The following ZBTB7C variants were observed in gnomAD, a reference collection of about 807,000 sequenced individuals.
ZBTB7C encodes the protein zinc finger and BTB domain-containing protein 7C.
A neutral mutation model predicts 25.7 loss-of-function variants in ZBTB7C; 8 were observed. The observed-to-expected ratio is 0.31, with a 90% CI of 0.18 to 0.56. The LOEUF is 0.56. Ranked by LOEUF, ZBTB7C falls within the 20% of genes least tolerant of loss-of-function variation. ZBTB7C has a pLI of 0.91. For missense variants in ZBTB7C, 824 were observed against 855.2 expected (o/e 0.96, Z 0.46); for synonymous variants, 394 against 369.0 (o/e 1.07, Z -0.78).
chr18:48,268,790 T>A, intron 2 of ZBTB7C, among the ~76,000 whole-genome samples: 1 of 152,156 alleles, frequency 6.6e-6, no homozygotes, highest in East Asian at 1.9e-4. Flanking sequence ...TATCTATGCA[T>A]CTATATACAT....
chr18:48,051,711 G>T (rs1202398273), intron 3 of ZBTB7C, among the ~76,000 whole-genome samples: 1 of 152,172 alleles, frequency 6.6e-6, no homozygotes, highest in African/African-American at 2.4e-5. Context: ...CTACGGGGCT[G>T]CCTGGCCTCA....
chr18:48,068,588 T>C (rs2037424699), intron 3 of ZBTB7C, among the ~76,000 whole-genome samples: 1 of 152,070 alleles, frequency 6.6e-6, no homozygotes, highest in Non-Finnish European at 1.5e-5. Flanking sequence ...TGGGCATCAG[T>C]GTTTTAAAAC....
At chr18:48,341,559 C>G (rs112639681) in intron 1 of ZBTB7C, among the ~76,000 whole-genome samples, 15 of 152,374 alleles carry the variant, frequency 9.8e-5, no homozygotes, top group African/African-American at 3.1e-4. Flanking sequence ...GGTGACAGCA[C>G]AGGGCCTGCC....
chr18:48,029,641 G>A lies in ZBTB7C; in HGVS notation c.1479C>T (p.Phe493=), dbSNP rs778827702. Reference sequence around the variant, plus strand: ...TGTCGGGGGCCGGGCCGCCGGGCCCGAAGAGCAGGCTGGCGGCCCTCCACG... The same window carrying A: ...TGTCGGGGGCCGGGCCGCCGGGCCCAAAGAGCAGGCTGGCGGCCCTCCACG... The part of the protein sequence containing the change: ...PAAWRAASLL[F]GPGGPAPDKA... The change falls in exon 5 of 5, where the codon TTC becomes TTT. Residue 493 remains phenylalanine, a synonymous_variant. Coordinates refer to ENST00000590800, the MANE Select transcript of ZBTB7C (RefSeq NM_001318841.2). 6.5e-7 allele frequency: 1 copy of A among 1,531,478 alleles called. No individual in the cohort carries two copies. The highest frequency in any genetic ancestry group is 1.2e-5 in the South Asian group (1 of 83,044). 94.9% of individuals were successfully genotyped at this position (1,531,478 alleles called of 1,614,324 possible).
intron 2 of ZBTB7C, among the ~76,000 whole-genome samples, chr18:48,213,205 A>G (rs1414863874): frequency 6.6e-6 from 1 of 152,236 alleles, no homozygotes; most frequent in African/African-American, 2.4e-5. Flanking sequence ...TTTTTGCCCT[A>G]GACACAATCC....
At chr18:48,112,423 C>A (rs1301831120) in intron 3 of ZBTB7C, among the ~76,000 whole-genome samples, 1 of 151,622 alleles carries the variant, frequency 6.6e-6, no homozygotes, top group African/African-American at 2.4e-5. Context: ...CTCAGCTCAC[C>A]ACAACCCCTG....
chr18:48,157,983 G>C (rs2040888399), intron 3 of ZBTB7C, among the ~76,000 whole-genome samples: 1 of 152,118 alleles, frequency 6.6e-6, no homozygotes, highest in Admixed American at 6.5e-5. Flanking sequence ...GGGAGGTGGG[G>C]AGCAGGTACT....
chr18:48,049,905 C>A (rs1233754161), intron 3 of ZBTB7C, among the ~76,000 whole-genome samples: 6 of 152,194 alleles, frequency 3.9e-5, no homozygotes, highest in Non-Finnish European at 7.3e-5. Flanking sequence ...GGCAAGCTGG[C>A]CCCAGCCAGC....
intron 1 of ZBTB7C, among the ~76,000 whole-genome samples, chr18:48,381,839 G>C (rs2047640345): frequency 6.6e-6 from 1 of 152,192 alleles, no homozygotes; most frequent in Non-Finnish European, 1.5e-5. Flanking sequence ...TCTTGGCAGA[G>C]GGAAAAGAGT....
intron 3 of ZBTB7C, among the ~76,000 whole-genome samples, chr18:48,042,132 C>A (rs113210928): frequency 3.8e-4 from 58 of 152,140 alleles, no homozygotes; most frequent in Non-Finnish European, 1.3e-4. Flanking sequence ...CAGGTAGGGG[C>A]GTCCAAGGAG....
At chr18:48,301,250 G>T (rs1000404720) in intron 2 of ZBTB7C, among the ~76,000 whole-genome samples, 1 of 152,144 alleles carries the variant, frequency 6.6e-6, no homozygotes, top group African/African-American at 2.4e-5. Flanking sequence ...AGGCTGAGGT[G>T]GGGGGATCAC....
intron 2 of ZBTB7C, among the ~76,000 whole-genome samples, chr18:48,308,828 C>G (rs1366052906): frequency 6.6e-6 from 1 of 152,172 alleles, no homozygotes; most frequent in Non-Finnish European, 1.5e-5. Flanking sequence ...AGCCCCATCC[C>G]AGACCTCCTG....
chr18:48,118,628 T>G (rs1300034351), intron 3 of ZBTB7C, among the ~76,000 whole-genome samples: 2 of 152,190 alleles, frequency 1.3e-5, no homozygotes, highest in Non-Finnish European at 2.9e-5. Flanking sequence ...CCATTTATAT[T>G]AGGGGAAATA....
intron 2 of ZBTB7C, among the ~76,000 whole-genome samples, chr18:48,271,646 T>C (rs11662950): frequency 0.13 from 20,166 of 150,598 alleles, 1,457 homozygotes; most frequent in East Asian, 0.22. Context: ...TTTCCATTTA[T>C]GCTAAAAATG....
intron 3 of ZBTB7C, among the ~76,000 whole-genome samples, chr18:48,049,710 G>A (rs1313385600): frequency 6.6e-6 from 1 of 152,140 alleles, no homozygotes; most frequent in African/African-American, 2.4e-5. Context: ...TCCAAGTCAC[G>A]CAGCTAGAAA....
At chr18:48,159,474 T>C (rs2040935991) in intron 3 of ZBTB7C, among the ~76,000 whole-genome samples, 1 of 152,126 alleles carries the variant, frequency 6.6e-6, no homozygotes, top group Non-Finnish European at 1.5e-5. Context: ...TGGTCAAAAT[T>C]CATCATCACA....
At chr18:48,331,983 G>C (rs1051477030) in intron 2 of ZBTB7C, among the ~76,000 whole-genome samples, 1 of 152,096 alleles carries the variant, frequency 6.6e-6, no homozygotes, top group Non-Finnish European at 1.5e-5. Flanking sequence ...ATCATATCAT[G>C]TTGTCTGAAT....
At chr18:48,108,333 G>T (rs1301418383) in intron 3 of ZBTB7C, among the ~76,000 whole-genome samples, 1 of 152,196 alleles carries the variant, frequency 6.6e-6, no homozygotes, top group African/African-American at 2.4e-5. Context: ...CGAGGGCGGG[G>T]AGGCGAGTGG....
At chr18:48,098,000 C>T (rs1401164610) in intron 3 of ZBTB7C, among the ~76,000 whole-genome samples, 2 of 152,196 alleles carry the variant, frequency 1.3e-5, no homozygotes, top group African/African-American at 2.4e-5. Flanking sequence ...ACTCAGAATC[C>T]ATCACCTGGC....
Sources: allele counts gnomAD v4.1 joint callset (sites outside exome capture counted in the v4.1 genomes callset), GRCh38; gene constraint gnomAD v4.1.1; transcripts MANE v1.5; gene names NCBI Gene and HGNC (gene_info 2026-07-23, HGNC 2026-07-21).